Variants in LMLN observed in about 807,000 individuals in gnomAD.
LMLN encodes leishmanolysin-like peptidase.
LMLN carries 70 observed loss-of-function variants against 92.3 expected under a neutral mutation model. The observed-to-expected ratio is 0.76, with a 90% CI of 0.63 to 0.92. The LOEUF (loss-of-function observed/expected upper bound fraction) is 0.92, where lower values mean the gene tolerates loss of function less well. LMLN is among the 40% of genes least tolerant of loss of function. The pLI is 0.00. For synonymous variants in LMLN, 308 were observed against 296.2 expected (o/e 1.04, Z -0.41); for missense variants, 691 against 814.6 (o/e 0.85, Z 1.85).
At chr3:197,979,951 A>G (rs747600658) in intron 5 of LMLN, among the ~76,000 whole-genome samples, 5 of 152,112 alleles carry the variant, frequency 3.3e-5, no homozygotes, top group Admixed American at 1.3e-4. Flanking sequence ...TTTAGAATTA[A>G]TTGTAGATTC....
chr3:197,999,579 G>T, intron 11 of LMLN: 1 of 477,558 alleles, frequency 2.1e-6, no homozygotes, highest in Admixed American at 3.6e-5. Context: ...TGCGCAGGCT[G>T]GAGTGCAGTG....
chr3:197,960,522 A>G, intron 1 of LMLN, 82 bp downstream of exon 1: 1 of 1,355,168 alleles, frequency 7.4e-7, no homozygotes, highest in South Asian at 1.3e-5. Flanking sequence ...TGACTGGGAG[A>G]AGGTGTCCTG....
At chr3:197,971,640 A>G (rs1721227067) in intron 1 of LMLN, among the ~76,000 whole-genome samples, 1 of 152,252 alleles carries the variant, frequency 6.6e-6, no homozygotes, top group African/African-American at 2.4e-5. Flanking sequence ...GCTGGAGTGC[A>G]GTGGCACGAT....
At chr3:198,002,971 G>T in intron 11 of LMLN, 44 bp from the exon 12 acceptor site, 1 of 1,118,842 alleles carries the variant, frequency 8.9e-7, no homozygotes, top group Non-Finnish European at 1.3e-6. Flanking sequence ...AGTTGTTTTT[G>T]AAAGGACAGC....
At chr3:197,970,399 T>A (rs994987871) in intron 1 of LMLN, among the ~76,000 whole-genome samples, 4 of 151,988 alleles carry the variant, frequency 2.6e-5, no homozygotes, top group Non-Finnish European at 5.9e-5. Flanking sequence ...CAAAGTAAAA[T>A]CAGCAAAGGG....
intron 1 of LMLN, among the ~76,000 whole-genome samples, chr3:197,965,020 A>G (rs1196179975): frequency 2.0e-5 from 3 of 151,382 alleles, no homozygotes; most frequent in Non-Finnish European, 4.4e-5. Flanking sequence ...AAAAAAAAAA[A>G]AAAAGAAAGA....
At chr3:197,989,145 A>G (rs545897972) in intron 8 of LMLN, among the ~76,000 whole-genome samples, 5 of 152,324 alleles carry the variant, frequency 3.3e-5, no homozygotes, top group Admixed American at 3.3e-4. Flanking sequence ...GGTTTTCACC[A>G]TGATTGTGGG....
At chr3:197,970,863 T>G (rs1034808640) in intron 1 of LMLN, among the ~76,000 whole-genome samples, 10 of 152,232 alleles carry the variant, frequency 6.6e-5, no homozygotes, top group African/African-American at 2.4e-4. Context: ...TTCCAATAGC[T>G]TTTATTTCTT....
chr3:197,998,415 G>A (rs1323241466), intron 10 of LMLN, among the ~76,000 whole-genome samples: 2 of 152,132 alleles, frequency 1.3e-5, no homozygotes, highest in Non-Finnish European at 2.9e-5. Context: ...CATGGGAAGT[G>A]TGGTTTTTTT....
chr3:197,976,056 T>C (rs1250181248), exon 4 of LMLN: 2 of 1,606,274 alleles, frequency 1.2e-6, no homozygotes, highest in Admixed American at 1.7e-5. Context: ...AGCGATTTCT[T>C]ATTTAGAGAA....
chr3:197,965,990 G>A lies in LMLN; in HGVS notation c.219+5550G>A, dbSNP rs1408218180. Among the ~76,000 whole-genome samples, 3 of 152,188 alleles carry A rather than the reference G, an allele frequency of 2.0e-5. No individual in the cohort carries two copies. In the East Asian group the frequency reaches 5.8e-4, roughly 29 times the overall value. The stretch of plus-strand genomic sequence containing the variant: ...TTCAGTTGCCTACATTTACCTGTGT[G>A]TATGTGTGTGTGCTTGTGCATTTTA... On this transcript the variant is annotated intron_variant, in intron 1 of 15. Coordinates refer to ENST00000330198, the Ensembl canonical transcript of LMLN.
At chr3:198,032,730 T>C (rs1723111077) in intron 14 of LMLN, among the ~76,000 whole-genome samples, 1 of 152,170 alleles carries the variant, frequency 6.6e-6, no homozygotes, top group African/African-American at 2.4e-5. Flanking sequence ...AAGCTATTCA[T>C]GAGGGATCCA....
intron 9 of LMLN, among the ~76,000 whole-genome samples, chr3:197,991,229 G>A (rs1056285925): frequency 1.3e-5 from 2 of 150,268 alleles, no homozygotes; most frequent in African/African-American, 2.5e-5. Context: ...TCTGCCTCCC[G>A]AGTGGCTGAG....
intron 13 of LMLN, among the ~76,000 whole-genome samples, chr3:198,023,465 A>G (rs1399498789): frequency 6.6e-6 from 1 of 152,160 alleles, no homozygotes; most frequent in Non-Finnish European, 1.5e-5. Context: ...TTGAAATTAT[A>G]GGCTTGAGCC....
Position 197,982,032 on chromosome 3 carries a change from C to T in LMLN, c.728+1528C>T, listed in dbSNP as rs542693599. ...TGTTGGCCAGGCTGGTCTTGAACCCCTGACCTCAGGTGATCTGCCTTCCTT... is the reference window on the plus strand; with the variant it reads ...TGTTGGCCAGGCTGGTCTTGAACCCTTGACCTCAGGTGATCTGCCTTCCTT... On this transcript the variant is annotated intron_variant, in intron 6 of 15. Coordinates refer to ENST00000330198, the Ensembl canonical transcript of LMLN. Among the ~76,000 whole-genome samples the T allele has an allele frequency of 1.7e-4, 26 of 152,174 alleles. No homozygotes were observed. In the South Asian group the frequency reaches 4.6e-3, roughly 27 times the overall value.
chr3:197,972,964 T>A (rs1721270727), intron 1 of LMLN, among the ~76,000 whole-genome samples: 2 of 152,200 alleles, frequency 1.3e-5, no homozygotes, highest in Non-Finnish European at 2.9e-5. Context: ...CTGAACATTT[T>A]GCTGTAGCTC....
intron 4 of LMLN, 47 bp from the exon 5 acceptor site, chr3:197,976,551 A>G (rs1416138139): frequency 9.1e-7 from 1 of 1,097,048 alleles, no homozygotes; most frequent in Non-Finnish European, 1.3e-6. Context: ...CTGCTATAAA[A>G]TATTCTCTTT....
At chr3:198,035,200 CAA>C (rs33926276) in intron 14 of LMLN, among the ~76,000 whole-genome samples, 16 of 96,534 alleles carry the variant, frequency 1.7e-4, no homozygotes, top group Admixed American at 5.0e-4. Flanking sequence ...GACCCCATCT[CAA>C]AAAAAAAAAA....
chr3:198,020,798 T>TTTTG (rs1722760220), intron 12 of LMLN, among the ~76,000 whole-genome samples: 3 of 144,224 alleles, frequency 2.1e-5, no homozygotes, highest in Non-Finnish European at 4.5e-5. Flanking sequence ...TTTTTTTTTT[T>TTTTG]TTAGTAGAGA....
Sources: allele counts gnomAD v4.1 joint callset (sites outside exome capture counted in the v4.1 genomes callset), GRCh38; gene constraint gnomAD v4.1.1; transcripts MANE v1.5; gene names NCBI Gene and HGNC (gene_info 2026-07-23, HGNC 2026-07-21).